ALPK2: variants seen among roughly 807,000 people sequenced by gnomAD.
The protein encoded by ALPK2 is alpha-protein kinase 2.
Under a neutral mutation model 163.1 loss-of-function variants are expected in ALPK2, and 127 were observed. That is an observed-to-expected ratio of 0.78 (90% CI 0.67 to 0.90). The LOEUF (loss-of-function observed/expected upper bound fraction) is 0.90, where lower values mean the gene tolerates loss of function less well. ALPK2 is among the 40% of genes least tolerant of loss of function. The pLI is 0.00. For synonymous variants in ALPK2, 953 were observed against 959.1 expected (o/e 0.99, Z 0.12); for missense variants, 2,360 against 2,589.6 (o/e 0.91, Z 1.92).
At chr18:58,518,921 C>T (rs1427988513) in intron 8 of ALPK2, among the ~76,000 whole-genome samples, 1 of 152,120 alleles carries the variant, frequency 6.6e-6, no homozygotes, top group East Asian at 1.9e-4. Context: ...GGAGTATCTC[C>T]CATGTATATA....
chr18:58,611,333 G>A (rs540099001), intron 2 of ALPK2, among the ~76,000 whole-genome samples: 11 of 150,106 alleles, frequency 7.3e-5, no homozygotes, highest in Admixed American at 2.7e-4. Context: ...TCAATTTACC[G>A]AAAAAAAGTG....
chr18:58,539,674 A>T lies in ALPK2; in HGVS notation c.1963-1450T>A, dbSNP rs1485760138. 3.3e-5 allele frequency among the ~76,000 whole-genome samples: 5 copies of T among 152,164 alleles called. No homozygotes were observed. In the East Asian group the frequency reaches 9.6e-4, roughly 29 times the overall value. On this transcript the variant is annotated intron_variant, in intron 4 of 12. Coordinates refer to ENST00000361673, the MANE Select transcript of ALPK2 (RefSeq NM_052947.4). Reference sequence around the variant, plus strand: ...GGCGGGATGGGGTTCAGGGGTGGGGATGAAGTCTGTCTCCCAGCGTATGAC... The same window carrying T: ...GGCGGGATGGGGTTCAGGGGTGGGGTTGAAGTCTGTCTCCCAGCGTATGAC...
At chr18:58,590,159 G>T (rs929155351) in intron 3 of ALPK2, among the ~76,000 whole-genome samples, 7 of 148,144 alleles carry the variant, frequency 4.7e-5, no homozygotes, top group Non-Finnish European at 8.9e-5. Flanking sequence ...GGCGGAGATT[G>T]CAGTGAGCTG....
intron 6 of ALPK2, among the ~76,000 whole-genome samples, chr18:58,526,705 C>T (rs569246663): frequency 5.3e-5 from 8 of 152,334 alleles, no homozygotes; most frequent in African/African-American, 1.9e-4. Context: ...CAAGCTACCA[C>T]TTTCTTCTTC....
intron 4 of ALPK2, chr18:58,543,225 C>T: frequency 2.4e-6 from 1 of 420,822 alleles, no homozygotes; most frequent in Non-Finnish European, 3.2e-6. Flanking sequence ...GCACAAGATG[C>T]AGGCCCTCTG....
chr18:58,572,226 G>A (rs543169165), intron 4 of ALPK2, among the ~76,000 whole-genome samples: 10 of 152,248 alleles, frequency 6.6e-5, no homozygotes, highest in Admixed American at 2.0e-4. Context: ...AGAAAGTCCA[G>A]AATCAAAAAT....
At chr18:58,543,388 A>G (rs2051701410) in intron 4 of ALPK2, 1 of 985,342 alleles carries the variant, frequency 1.0e-6, no homozygotes, top group South Asian at 4.7e-5. Context: ...GGCTATGTGT[A>G]GACCACACAG....
chr18:58,577,367 C>A (rs2051927408), intron 4 of ALPK2, among the ~76,000 whole-genome samples: 1 of 152,152 alleles, frequency 6.6e-6, no homozygotes, highest in African/African-American at 2.4e-5. Context: ...TTATCACCTT[C>A]CCCCACCTTC....
chr18:58,534,532 A>G (rs1397191619), intron 5 of ALPK2, among the ~76,000 whole-genome samples: 2 of 152,234 alleles, frequency 1.3e-5, no homozygotes, highest in Non-Finnish European at 2.9e-5. Context: ...TTCCCCTCCA[A>G]CAGACATGCC....
At position 58,528,418 on chromosome 18, in the gene ALPK2, C is replaced by T. The variant is rs564424491; in HGVS notation, c.5501+673G>A. Among the ~76,000 whole-genome samples the T allele has an allele frequency of 6.5e-4, 99 of 152,178 alleles. 1 individual carries two copies. Among genetic ancestry groups the T allele is most frequent in the Non-Finnish European group, 7.2e-4 (49 of 68,000 alleles). ...AAGCATGGTGGTGTGCTCCAGTAAT[C>T]CTAGGTACTCGGGAGGCTGAGGTGG... On this transcript the variant is annotated intron_variant, in intron 6 of 12. Transcript: ENST00000361673.
intron 1 of ALPK2, among the ~76,000 whole-genome samples, chr18:58,620,070 C>T (rs1383537685): frequency 6.6e-6 from 1 of 152,186 alleles, no homozygotes; most frequent in Non-Finnish European, 1.5e-5. Flanking sequence ...GTGGGCAGAT[C>T]GCCTGAGGTC....
chr18:58,495,629 A>G (rs1297493357), intron 12 of ALPK2, among the ~76,000 whole-genome samples: 1 of 152,204 alleles, frequency 6.6e-6, no homozygotes, highest in Non-Finnish European at 1.5e-5. Flanking sequence ...AATCATGACC[A>G]TCTTCATTTT....
chr18:58,541,710 C>T (rs1326599168), intron 4 of ALPK2, among the ~76,000 whole-genome samples: 2 of 152,152 alleles, frequency 1.3e-5, no homozygotes, highest in Non-Finnish European at 2.9e-5. Context: ...AGCAACAAAC[C>T]GTACAACTGG....
At chr18:58,539,891 C>G (rs1311976657) in intron 4 of ALPK2, among the ~76,000 whole-genome samples, 1 of 152,236 alleles carries the variant, frequency 6.6e-6, no homozygotes, top group Non-Finnish European at 1.5e-5. Flanking sequence ...GCCTGTCAGT[C>G]ATGCATCTCT....
At chr18:58,498,602 T>C (rs2051413662) in intron 11 of ALPK2, among the ~76,000 whole-genome samples, 1 of 152,344 alleles carries the variant, frequency 6.6e-6, no homozygotes, top group South Asian at 2.1e-4. Context: ...AATCTCATCT[T>C]GAATGTAGCT....
chr18:58,481,638 G>T lies in ALPK2; in HGVS notation c.*185C>A. The T allele has an allele frequency of 1.6e-6, 1 of 609,520 alleles. No homozygotes were observed. Among genetic ancestry groups the T allele is most frequent in the Admixed American group, 3.0e-5 (1 of 33,576 alleles). The allele number at this position is 609,520 out of a possible 1,614,324, so 37.8% of individuals were successfully genotyped here. A position where few individuals can be genotyped will look rare whatever the true frequency, so the allele number is the denominator to read the frequency against. Reference sequence around the variant, plus strand: ...CCCCATAAACCTGGTCGCAAATCCTGTTCTGAAATCATTTGAGTGAAGACA... The same window carrying T: ...CCCCATAAACCTGGTCGCAAATCCTTTTCTGAAATCATTTGAGTGAAGACA... On this transcript the variant is annotated 3_prime_UTR_variant, in exon 13 of 13. Coordinates refer to ENST00000361673, the MANE Select transcript of ALPK2 (RefSeq NM_052947.4).
chr18:58,579,615 C>T lies in ALPK2; in HGVS notation c.1161G>A (p.Val387=). ...CAACCATAGGCCCAGCGTCACCCGA[C>T]ACCCGAGACCCACAACCCATTCCAC... ...FLSGMGCGSR[V]SGDAGPMVAT... The change falls in exon 4 of 13, where the codon GTG becomes GTA. Residue 387 remains valine, a synonymous_variant. Transcript: ENST00000361673. The T allele has an allele frequency of 1.2e-6, 2 of 1,613,932 alleles. No homozygotes were observed. The highest frequency in any genetic ancestry group is 1.3e-5 in the African/African-American group (1 of 75,022).
chr18:58,547,928 A>C (rs1021825717), intron 4 of ALPK2, among the ~76,000 whole-genome samples: 3 of 152,226 alleles, frequency 2.0e-5, no homozygotes, highest in Admixed American at 1.3e-4. Flanking sequence ...AGGTTCTAGG[A>C]GAGTATTTTC....
At chr18:58,572,873 G>A (rs1297456163) in intron 4 of ALPK2, among the ~76,000 whole-genome samples, 1 of 152,088 alleles carries the variant, frequency 6.6e-6, no homozygotes, top group African/African-American at 2.4e-5. Context: ...GTACAACTGG[G>A]GAAATCCAAA....
Sources: allele counts gnomAD v4.1 joint callset (sites outside exome capture counted in the v4.1 genomes callset), GRCh38; gene constraint gnomAD v4.1.1; transcripts MANE v1.5; gene names NCBI Gene and HGNC (gene_info 2026-07-23, HGNC 2026-07-21).